The following ATG7 variants were observed in gnomAD, a reference collection of about 807,000 sequenced individuals.
ATG7 encodes ubiquitin-like modifier-activating enzyme ATG7.
ATG7 carries 70 observed loss-of-function variants against 82.4 expected under a neutral mutation model. That is an observed-to-expected ratio of 0.85 (90% CI 0.70 to 1.04). ATG7 has a LOEUF of 1.04. Among genes scored for constraint, ATG7 ranks in the 50% least tolerant of loss-of-function variants. The pLI is 0.00. For synonymous variants in ATG7, 287 were observed against 313.0 expected (o/e 0.92, Z 0.88); for missense variants, 792 against 864.3 (o/e 0.92, Z 1.05).
chr3:11,451,758 T>C (rs2454508), intron 20 of ATG7, among the ~76,000 whole-genome samples: 123,625 of 145,658 alleles, frequency 0.85, 52,682 homozygotes, highest in East Asian at 1. Context: ...ATAGAAAATA[T>C]TACGTGTATA....
At chr3:11,431,979 T>C (rs924795327) in intron 20 of ATG7, among the ~76,000 whole-genome samples, 5 of 152,236 alleles carry the variant, frequency 3.3e-5, no homozygotes, top group Admixed American at 3.3e-4. Flanking sequence ...ATCAGGTACC[T>C]GGAAATGATT....
intron 20 of ATG7, chr3:11,446,643 C>G (rs1359475139): frequency 4.0e-6 from 1 of 250,572 alleles, no homozygotes; most frequent in African/African-American, 2.4e-5. Flanking sequence ...GACTGCAAGC[C>G]TGACCAGACT....
chr3:11,395,968 TA>T (rs1401982585), intron 19 of ATG7, among the ~76,000 whole-genome samples: 12 of 76,688 alleles, frequency 1.6e-4, no homozygotes, highest in Middle Eastern at 8.2e-3. Context: ...AAAAAAAAGG[TA>T]GGGGGGGAAG....
chr3:11,454,051 AGTC>A (rs2085461674), intron 20 of ATG7, among the ~76,000 whole-genome samples: 1 of 152,218 alleles, frequency 6.6e-6, no homozygotes. Context: ...CTTTTTAGAT[AGTC>A]TTTTCTTCTG....
chr3:11,549,168 C>T (rs1017301434), intron 20 of ATG7, among the ~76,000 whole-genome samples: 1 of 152,076 alleles, frequency 6.6e-6, no homozygotes, highest in Non-Finnish European at 1.5e-5. Context: ...TACTTCCTGT[C>T]ACCACAGATG....
chr3:11,295,788 C>CT (rs751389083), intron 3 of ATG7, among the ~76,000 whole-genome samples: 3,584 of 93,760 alleles, frequency 0.038, 168 homozygotes, highest in African/African-American at 0.11. Context: ...TTCTTTCTTT[C>CT]TTTTTTTTTT....
intron 20 of ATG7, among the ~76,000 whole-genome samples, chr3:11,520,294 T>C (rs890168192): frequency 5.3e-5 from 8 of 152,194 alleles, no homozygotes; most frequent in African/African-American, 1.9e-4. Flanking sequence ...ATTAAAACTT[T>C]CCCAGCAGTG....
intron 1 of ATG7, among the ~76,000 whole-genome samples, chr3:11,277,905 A>ACC (rs1942231154): frequency 3.7e-5 from 1 of 27,128 alleles, no homozygotes; most frequent in African/African-American, 1.5e-4. Flanking sequence ...CCCCCCCCCC[A>ACC]CCAGGAATGC....
At chr3:11,387,539 G>A (rs1040936547) in intron 19 of ATG7, among the ~76,000 whole-genome samples, 1 of 152,104 alleles carries the variant, frequency 6.6e-6, no homozygotes, top group African/African-American at 2.4e-5. Flanking sequence ...AGTCTTCAGG[G>A]TATTGAAAAA....
chr3:11,307,627 A>G (rs1040748093), intron 6 of ATG7, among the ~76,000 whole-genome samples: 3 of 152,056 alleles, frequency 2.0e-5, no homozygotes, highest in Non-Finnish European at 4.4e-5. Flanking sequence ...CCTTCTACCT[A>G]CTTTCTGTTC....
intron 19 of ATG7, among the ~76,000 whole-genome samples, chr3:11,380,658 A>G (rs1480107043): frequency 2.0e-5 from 3 of 152,218 alleles, no homozygotes; most frequent in Non-Finnish European, 4.4e-5. Flanking sequence ...TGATTTTTAC[A>G]TGCACACTGT....
At chr3:11,391,962 G>T (rs544918049) in intron 19 of ATG7, among the ~76,000 whole-genome samples, 5 of 143,078 alleles carry the variant, frequency 3.5e-5, no homozygotes, top group Non-Finnish European at 7.6e-5. Flanking sequence ...ACTTATTGGG[G>T]GGGGGGTAAT....
chr3:11,574,785 A>ATGTGTGTGTGTG, the ATG7 span, among the ~76,000 whole-genome samples: 816 of 121,752 alleles, frequency 6.7e-3, 20 homozygotes, highest in East Asian at 0.033. Context: ...TCAACTATAT[A>ATGTGTGTGTGTG]TGTGTGTGTG....
chr3:11,298,570 T>C lies in ATG7; in HGVS notation c.-10-116T>C, dbSNP rs75314662. Reference sequence around the variant, plus strand: ...AAAGAAGTTGTGTTTCAAGGTAGCCTGTAAACATCTCATTACTTTTTGTTT... The same window carrying C: ...AAAGAAGTTGTGTTTCAAGGTAGCCCGTAAACATCTCATTACTTTTTGTTT... On this transcript the variant is annotated intron_variant, in intron 3 of 20. Transcript: ENST00000693202. The C allele has an allele frequency of 6.6e-4, 645 of 983,856 alleles. 3 individuals are homozygous for C. The African/African-American group carries it at 9.5e-3, about 14-fold the overall frequency. The allele number at this position is 983,856 out of a possible 1,614,324, so 60.9% of individuals were successfully genotyped here.
At chr3:11,276,631 T>C (rs59434151) in intron 1 of ATG7, among the ~76,000 whole-genome samples, 7,798 of 152,188 alleles carry the variant, frequency 0.051, 637 homozygotes, top group African/African-American at 0.17. Context: ...CCACTTTTCC[T>C]TCTTATCTTT....
chr3:11,435,204 A>T (rs184414578), intron 20 of ATG7, among the ~76,000 whole-genome samples: 94 of 152,332 alleles, frequency 6.2e-4, no homozygotes, highest in Middle Eastern at 3.4e-3. Context: ...CATTGCCAGA[A>T]ACAACTTTTT....
At chr3:11,533,488 A>G (rs1167129658) in intron 20 of ATG7, among the ~76,000 whole-genome samples, 1 of 146,536 alleles carries the variant, frequency 6.8e-6, no homozygotes, top group African/African-American at 2.5e-5. Context: ...ATGAACTTTG[A>G]TTTGTCTTCT....
chr3:11,364,170 A>G (rs2076450275), intron 17 of ATG7, among the ~76,000 whole-genome samples: 1 of 152,190 alleles, frequency 6.6e-6, no homozygotes, highest in Non-Finnish European at 1.5e-5. Flanking sequence ...TTCATTCTTC[A>G]CTTTTATTTC....
At chr3:11,420,667 G>C (rs1414890957) in intron 19 of ATG7, among the ~76,000 whole-genome samples, 1 of 150,616 alleles carries the variant, frequency 6.6e-6, no homozygotes, top group Non-Finnish European at 1.5e-5. Flanking sequence ...GCATATAAAA[G>C]TTACATTTTT....
Sources: gnomAD v4.1 joint callset for allele counts (sites outside exome capture counted in the v4.1 genomes callset) on GRCh38, gnomAD v4.1.1 for gene constraint, MANE v1.5 for transcripts, NCBI Gene and HGNC (gene_info 2026-07-23, HGNC 2026-07-21) for gene names.